The following FHOD3 variants were observed in gnomAD, a reference collection of about 807,000 sequenced individuals.
FHOD3 encodes FH1/FH2 domain-containing protein 3.
A neutral mutation model predicts 173.0 loss-of-function variants in FHOD3; 90 were observed. The observed-to-expected ratio is 0.52, with a 90% confidence interval of 0.44 to 0.62. The LOEUF (loss-of-function observed/expected upper bound fraction) is 0.62. FHOD3 is among the 20% of genes least tolerant of loss of function. FHOD3 has a pLI of 0.00. For synonymous variants in FHOD3, 828 were observed against 823.0 expected, an observed-to-expected ratio of 1.01 and a Z score of -0.10; for missense variants, 1,945 against 2,034.7, an observed-to-expected ratio of 0.96 and a Z score of 0.85.
chr18:36,394,193 A>G (rs897364852), intron 3 of FHOD3, among the ~76,000 whole-genome samples: 2 of 152,218 alleles, frequency 1.3e-5, no homozygotes, highest in Non-Finnish European at 2.9e-5. Flanking sequence ...GGAGCATGCT[A>G]TCTGTCTTAT....
intron 9 of FHOD3, among the ~76,000 whole-genome samples, chr18:36,616,233 G>A (rs1292974822): frequency 6.6e-6 from 1 of 152,160 alleles, no homozygotes; most frequent in Admixed American, 6.5e-5. Context: ...TCACCACCAC[G>A]ATCGGAACTC....
At chr18:36,629,153 G>A (rs899300803) in intron 10 of FHOD3, among the ~76,000 whole-genome samples, 1 of 152,120 alleles carries the variant, frequency 6.6e-6, no homozygotes, top group African/African-American at 2.4e-5. Flanking sequence ...CTAGTGCCAC[G>A]TGCCTCAGCA....
intron 1 of FHOD3, among the ~76,000 whole-genome samples, chr18:36,322,234 TG>T (rs1233580673): frequency 6.6e-6 from 1 of 152,054 alleles, no homozygotes; most frequent in African/African-American, 2.4e-5. Flanking sequence ...CAGAGCTGGA[TG>T]GCACAGCCCT....
intron 5 of FHOD3, among the ~76,000 whole-genome samples, chr18:36,572,790 C>T (rs981685279): frequency 6.6e-6 from 1 of 152,110 alleles, no homozygotes; most frequent in Admixed American, 6.5e-5. Flanking sequence ...CGTGGATATA[C>T]CTTCCAGAAG....
At chr18:36,630,428 A>G (rs528516565) in intron 10 of FHOD3, among the ~76,000 whole-genome samples, 1 of 152,300 alleles carries the variant, frequency 6.6e-6, no homozygotes, top group African/African-American at 2.4e-5. Context: ...TTCTCAGGAA[A>G]TATGCTTGAA....
intron 1 of FHOD3, among the ~76,000 whole-genome samples, chr18:36,328,112 A>G (rs1473880916): frequency 6.6e-6 from 1 of 152,242 alleles, no homozygotes; most frequent in East Asian, 1.9e-4. Flanking sequence ...GAGAGCTGCC[A>G]TGTGCTGGGC....
At position 36,653,344 on chromosome 18, in the gene FHOD3, C is replaced by T. The variant is rs1275896183; in HGVS notation, c.1649C>T (p.Ser550Phe). ...KEAESQKENS[S>F]SDSFSLSTYS... ...GCGGGCTTTTCTTCCTTTGACAGTTCCTCTGATTCTTTCTCTTTGAGCACA... is the reference window on the plus strand; with the variant it reads ...GCGGGCTTTTCTTCCTTTGACAGTTTCTCTGATTCTTTCTCTTTGAGCACA... Residue 550 changes from serine to phenylalanine, a missense_variant and splice_region_variant, in exon 13 of 29, where the codon TCC becomes TTC. Coordinates refer to ENST00000590592, the MANE Select transcript of FHOD3 (RefSeq NM_001281740.3). 2 of 1,534,054 alleles carry T rather than the reference C, an allele frequency of 1.3e-6. No individual in the cohort carries two copies. The highest frequency in any genetic ancestry group is 2.0e-5 in the Admixed American group (1 of 50,814).
At chr18:36,461,526 C>T (rs899485269) in intron 3 of FHOD3, among the ~76,000 whole-genome samples, 2 of 151,102 alleles carry the variant, frequency 1.3e-5, no homozygotes, top group Non-Finnish European at 2.9e-5. Context: ...TGACTTGGCT[C>T]GTGGAATTGC....
chr18:36,556,723 G>C (rs1369209953), intron 5 of FHOD3, among the ~76,000 whole-genome samples: 1 of 151,982 alleles, frequency 6.6e-6, no homozygotes, highest in Non-Finnish European at 1.5e-5. Context: ...TTTTAAATAA[G>C]GGGAAAAAAC....
In FHOD3 at chr18:36,765,552, T is replaced by C. The variant is rs74656078; in HGVS notation, c.4625-3713T>C. The stretch of plus-strand genomic sequence containing the variant: ...GAAATCTACAGTCAAGGACTTGAAA[T>C]GACCATTATAAATGTTAAAATAAAA... On this transcript the variant is annotated intron_variant, in intron 27 of 28. Transcript: ENST00000590592. Among the ~76,000 whole-genome samples, 439 of 152,272 alleles carry C rather than the reference T, an allele frequency of 2.9e-3. 5 individuals are homozygous for C. Among genetic ancestry groups the C allele is most frequent in the Admixed American group, 0.02 (303 of 15,300 alleles).
At chr18:36,724,510 A>C (rs916059952) in intron 19 of FHOD3, among the ~76,000 whole-genome samples, 3 of 152,122 alleles carry the variant, frequency 2.0e-5, no homozygotes, top group Admixed American at 2.0e-4. Context: ...TCTAGCCTTG[A>C]GTGCTGTCTG....
intron 14 of FHOD3, among the ~76,000 whole-genome samples, chr18:36,665,316 T>C (rs1201459118): frequency 1.3e-5 from 2 of 152,222 alleles, no homozygotes; most frequent in African/African-American, 4.8e-5. Flanking sequence ...ATCGATTGAA[T>C]CAGACACAGT....
At chr18:36,566,876 AATTATAC>A (rs1292870064) in intron 5 of FHOD3, among the ~76,000 whole-genome samples, 7 of 152,318 alleles carry the variant, frequency 4.6e-5, no homozygotes, top group African/African-American at 1.2e-4. Context: ...GGAAAAAAAA[AATTATAC>A]TTATATAAAA....
In FHOD3 at chr18:36,304,311, A is replaced by C. The variant is rs541443627; in HGVS notation, c.165+6311A>C. Among the ~76,000 whole-genome samples, 23 of 152,328 alleles carry C rather than the reference A, an allele frequency of 1.5e-4. No individual in the cohort carries two copies. The South Asian group carries it at 4.8e-3, about 32-fold the overall frequency. On this transcript the variant is annotated intron_variant, in intron 1 of 28. Transcript: ENST00000590592. ...TTCAGAATAATTCCAGATAAGAGAC[A>C]AGTAGGTGAGTCAATATATGGATGG...
chr18:36,655,087 T>C (rs150395348), intron 13 of FHOD3, among the ~76,000 whole-genome samples: 19 of 148,708 alleles, frequency 1.3e-4, no homozygotes, highest in African/African-American at 4.4e-4. Context: ...CCAATCATAC[T>C]ATCCCAGTGA....
At chr18:36,773,957 T>C (rs752265180) in intron 28 of FHOD3, among the ~76,000 whole-genome samples, 6 of 152,346 alleles carry the variant, frequency 3.9e-5, no homozygotes, top group Admixed American at 1.3e-4. Flanking sequence ...CGACTTAATC[T>C]GGGAAGGGGA....
intron 18 of FHOD3, chr18:36,711,188 C>T (rs2040151955): frequency 6.6e-6 from 1 of 152,140 alleles, no homozygotes. Context: ...TTATTGGTTC[C>T]TAAAAAATCT....
Position 36,299,058 on chromosome 18 carries a change from A to G in FHOD3, c.165+1058A>G, listed in dbSNP as rs908701946. 6.8e-5 allele frequency among the ~76,000 whole-genome samples: 9 copies of G among 132,100 alleles called. 1 individual carries two copies. Among genetic ancestry groups the G allele is most frequent in the African/African-American group, 2.3e-4 (9 of 39,370 alleles). 86.7% of individuals were successfully genotyped at this position (132,100 alleles called of 152,430 possible). On this transcript the variant is annotated intron_variant, in intron 1 of 28. Coordinates refer to ENST00000590592, the MANE Select transcript of FHOD3 (RefSeq NM_001281740.3). ...CCAAAAGAACAAAATTGATTTAAAA[A>G]AAAACCTCGGATTTCTGTATGATGT...
At chr18:36,708,579 G>A (rs556170715) in intron 17 of FHOD3, among the ~76,000 whole-genome samples, 13 of 152,252 alleles carry the variant, frequency 8.5e-5, no homozygotes, top group African/African-American at 2.9e-4. Flanking sequence ...TTAAGGCTGC[G>A]GCTGGCTGGG....
Sources: gnomAD v4.1 joint callset for allele counts (sites outside exome capture counted in the v4.1 genomes callset) on GRCh38, gnomAD v4.1.1 for gene constraint, MANE v1.5 for transcripts, NCBI Gene and HGNC (gene_info 2026-07-23, HGNC 2026-07-21) for gene names.